The following EPB41L3 variants were observed in gnomAD, a reference collection of about 807,000 sequenced individuals.
EPB41L3 encodes the protein band 4.1-like protein 3.
EPB41L3 carries 57 observed loss-of-function variants against 127.1 expected under a neutral mutation model. That is an observed-to-expected ratio of 0.45 (90% confidence interval 0.36 to 0.56). The LOEUF is 0.56. Among genes scored for constraint, EPB41L3 ranks in the 20% least tolerant of loss-of-function variants. The pLI is 0.00. For missense variants in EPB41L3, 1,273 were observed against 1,372.2 expected (o/e 0.93, Z 1.14); for synonymous variants, 572 against 549.5 (o/e 1.04, Z -0.57).
At chr18:5,553,164 A>G (rs2093988200) in intron 3 of EPB41L3, among the ~76,000 whole-genome samples, 2 of 152,344 alleles carry the variant, frequency 1.3e-5, no homozygotes, top group South Asian at 4.1e-4. Context: ...TTATAGTCTA[A>G]GAAGCTACTA....
chr18:5,431,450 A>G (rs963067735), intron 8 of EPB41L3: 3 of 152,232 alleles, frequency 2.0e-5, no homozygotes, highest in African/African-American at 4.8e-5. Flanking sequence ...AAAAATTCCT[A>G]TAATGCTACA....
chr18:5,517,152 G>A (rs894780948), intron 1 of EPB41L3, among the ~76,000 whole-genome samples: 1 of 152,092 alleles, frequency 6.6e-6, no homozygotes, highest in Non-Finnish European at 1.5e-5. Flanking sequence ...CACATAGGAG[G>A]CACTCAATAT....
intron 11 of EPB41L3, 138 bp from the exon 12 acceptor site, chr18:5,420,015 G>A (rs2077274151): frequency 6.9e-7 from 1 of 1,455,304 alleles, no homozygotes; most frequent in Non-Finnish European, 9.1e-7. Flanking sequence ...TATCTTTACT[G>A]AAAAAAAAAA....
intron 3 of EPB41L3, among the ~76,000 whole-genome samples, chr18:5,601,447 C>CT (rs2094590332): frequency 6.6e-6 from 1 of 152,174 alleles, no homozygotes; most frequent in African/African-American, 2.4e-5. Context: ...CCCCATGCTT[C>CT]TGCTGACATA....
At chr18:5,407,010 A>G (rs1178349817) in intron 15 of EPB41L3, 42 bp from the exon 16 acceptor site, 1 of 1,564,990 alleles carries the variant, frequency 6.4e-7, no homozygotes, top group Non-Finnish European at 8.8e-7. Flanking sequence ...AATGTTTTAC[A>G]TTTGTGTTCC....
At chr18:5,564,825 G>A (rs973714957) in intron 3 of EPB41L3, among the ~76,000 whole-genome samples, 2 of 152,168 alleles carry the variant, frequency 1.3e-5, no homozygotes, top group East Asian at 1.9e-4. Flanking sequence ...TCACAAGCTC[G>A]ATGAAGGCTT....
At chr18:5,526,727 A>G (rs912829747) in intron 1 of EPB41L3, among the ~76,000 whole-genome samples, 13 of 152,228 alleles carry the variant, frequency 8.5e-5, no homozygotes, top group Non-Finnish European at 1.6e-4. Flanking sequence ...AAATTCTTCA[A>G]AACTAAGTTA....
chr18:5,609,503 A>G (rs2094701992), intron 3 of EPB41L3, among the ~76,000 whole-genome samples: 1 of 152,212 alleles, frequency 6.6e-6, no homozygotes, highest in Non-Finnish European at 1.5e-5. Context: ...AGGGTCCAGT[A>G]CATCATTATT....
chr18:5,562,626 C>A (rs772816986), intron 3 of EPB41L3, among the ~76,000 whole-genome samples: 15 of 152,124 alleles, frequency 9.9e-5, no homozygotes, highest in Non-Finnish European at 1.6e-4. Flanking sequence ...TAGTGCCTGG[C>A]GCATTGTCAG....
chr18:5,487,531 G>A (rs1204316872), intron 2 of EPB41L3, among the ~76,000 whole-genome samples: 38 of 147,226 alleles, frequency 2.6e-4, no homozygotes, highest in Admixed American at 1.9e-3. Flanking sequence ...TTGCTCTGTC[G>A]CCCAGTCTGG....
chr18:5,616,566 C>T (rs1471957327), intron 1 of EPB41L3, among the ~76,000 whole-genome samples: 1 of 151,988 alleles, frequency 6.6e-6, no homozygotes, highest in African/African-American at 2.4e-5. Context: ...GCTTAAAATA[C>T]ATATACATAT....
At chr18:5,398,386 A>T (rs546809577) in intron 16 of EPB41L3, 72 of 502,294 alleles carry the variant, frequency 1.4e-4, no homozygotes, top group East Asian at 4.4e-4. Context: ...AGATATATAT[A>T]TTTTTTCCCC....
At chr18:5,450,634 AG>A (rs2082170878) in intron 3 of EPB41L3, among the ~76,000 whole-genome samples, 2 of 151,108 alleles carry the variant, frequency 1.3e-5, no homozygotes, top group Middle Eastern at 3.4e-3. Flanking sequence ...TTAATTAAAA[AG>A]GTTAGTAAAA....
chr18:5,473,316 GC>G (rs1403482390), intron 3 of EPB41L3, among the ~76,000 whole-genome samples: 1 of 151,926 alleles, frequency 6.6e-6, no homozygotes, highest in Admixed American at 6.6e-5. Flanking sequence ...ACATGGCAGG[GC>G]CCTTTGAGTA....
intron 2 of EPB41L3, among the ~76,000 whole-genome samples, chr18:5,488,272 G>A (rs745790897): frequency 6.6e-5 from 10 of 152,090 alleles, no homozygotes; most frequent in Admixed American, 1.3e-4. Flanking sequence ...TCCTTTTCAG[G>A]ACATGGATGG....
intron 1 of EPB41L3, among the ~76,000 whole-genome samples, chr18:5,628,652 G>C (rs536430110): frequency 1.3e-5 from 2 of 152,358 alleles, no homozygotes; most frequent in East Asian, 3.9e-4. Context: ...GCCCGAGCGA[G>C]CCCAGGCGGC....
chr18:5,588,270 A>G (rs2094457107), intron 3 of EPB41L3, among the ~76,000 whole-genome samples: 2 of 152,130 alleles, frequency 1.3e-5, no homozygotes, highest in Non-Finnish European at 2.9e-5. Flanking sequence ...AGTATCCTGA[A>G]GATAGAACTC....
chr18:5,441,654 C>T (rs1259711433), intron 5 of EPB41L3, among the ~76,000 whole-genome samples: 2 of 151,996 alleles, frequency 1.3e-5, no homozygotes, highest in South Asian at 2.1e-4. Context: ...TTAGTAGAGA[C>T]GGGGTTTCAC....
chr18:5,565,830 T>A (rs2094191942), intron 3 of EPB41L3, among the ~76,000 whole-genome samples: 1 of 152,056 alleles, frequency 6.6e-6, no homozygotes, highest in Non-Finnish European at 1.5e-5. Flanking sequence ...GGCTGCATAG[T>A]GTTCCATGGT....
Sources: gnomAD v4.1 joint callset for allele counts (sites outside exome capture counted in the v4.1 genomes callset) on GRCh38, gnomAD v4.1.1 for gene constraint, MANE v1.5 for transcripts, NCBI Gene and HGNC (gene_info 2026-07-23, HGNC 2026-07-21) for gene names.